The following MCM9 variants were observed in gnomAD, a reference collection of about 807,000 sequenced individuals.
MCM9 encodes the protein DNA helicase MCM9.
MCM9 carries 55 observed loss-of-function variants against 72.8 expected under a neutral mutation model. That is an observed-to-expected ratio of 0.76 (90% CI 0.61 to 0.95). The LOEUF is 0.95. Ranked by LOEUF, MCM9 falls within the 40% of genes least tolerant of loss-of-function variation. The pLI, the probability that MCM9 is intolerant of heterozygous loss-of-function variation, is 0.00. For synonymous variants in MCM9, 480 were observed against 503.4 expected (o/e 0.95, Z 0.62); for missense variants, 1,279 against 1,377.0 (o/e 0.93, Z 1.13).
At chr6:118,922,151 G>T in intron 4 of MCM9, 65 bp from the exon 5 acceptor site, 2 of 1,211,444 alleles carry the variant, frequency 1.7e-6, no homozygotes, top group Non-Finnish European at 1.2e-6. Context: ...CAGAAGTCTA[G>T]CAGTACTTGA....
Position 118,815,663 on chromosome 6 carries a change from T to C in MCM9, c.2593A>G (p.Arg865Gly), listed in dbSNP as rs1400108418. 6.5e-7 allele frequency: 1 copy of C among 1,549,916 alleles called. No homozygotes were observed. The highest frequency in any genetic ancestry group is 8.7e-7 in the Non-Finnish European group (1 of 1,146,826). The change falls in exon 14 of 14, where the codon AGG becomes GGG. Residue 865 changes from arginine to glycine, a missense_variant. Physicochemically the swap from Arg to Gly is moderately radical, Grantham distance 125. Coordinates refer to ENST00000619706, the MANE Select transcript of MCM9 (RefSeq NM_017696.3). Reference sequence around the variant, plus strand: ...GGGACTGTGCACTGTGCAGGCACCCTGGTGCTATTTCTGCACAACTTCTGG... The same window carrying C: ...GGGACTGTGCACTGTGCAGGCACCCCGGTGCTATTTCTGCACAACTTCTGG... ...RAQKLCRNSTRVPAQCTVPSH... is the reference protein window; with the variant it reads ...RAQKLCRNSTGVPAQCTVPSH...
rs1456808766 is a variant in MCM9 at position 118,815,586 on chromosome 6, T to C, written c.2670A>G (p.Ser890=). 3.2e-6 allele frequency: 5 copies of C among 1,550,484 alleles called. No individual in the cohort carries two copies. The highest frequency in any genetic ancestry group is 3.5e-6 in the Non-Finnish European group (4 of 1,146,946). The change falls in exon 14 of 14, where the codon TCA becomes TCG. Residue 890 remains serine, a synonymous_variant. Transcript: ENST00000619706. ...GGGATTTCGGTCTCTTTCTTTTGGGTGAGTCCAGCATTCTGTCTGGGCTAT... is the reference window on the plus strand; with the variant it reads ...GGGATTTCGGTCTCTTTCTTTTGGGCGAGTCCAGCATTCTGTCTGGGCTAT... The part of the protein sequence containing the change: ...PVHSPDRMLD[S]PKRKRPKSLA...
chr6:118,850,713 C>G (rs1329611339), intron 9 of MCM9, among the ~76,000 whole-genome samples: 1 of 151,846 alleles, frequency 6.6e-6, no homozygotes, highest in Non-Finnish European at 1.5e-5. Context: ...TTGGAAGCAT[C>G]TGCTCCGCCT....
intron 8 of MCM9, among the ~76,000 whole-genome samples, chr6:118,861,594 A>G (rs530610010): frequency 6.6e-6 from 1 of 152,238 alleles, no homozygotes; most frequent in African/African-American, 2.4e-5. Context: ...TTGTACTGAC[A>G]AGTGTCCAGC....
intron 9 of MCM9, among the ~76,000 whole-genome samples, chr6:118,842,962 C>T (rs367906737): frequency 1.1e-4 from 17 of 151,528 alleles, no homozygotes; most frequent in African/African-American, 3.9e-4. Flanking sequence ...ACATAAAGAA[C>T]AACAAAATTA....
intron 8 of MCM9, among the ~76,000 whole-genome samples, chr6:118,888,428 A>G (rs1778736382): frequency 6.6e-6 from 1 of 152,194 alleles, no homozygotes; most frequent in African/African-American, 2.4e-5. Flanking sequence ...CAGAGCTTGC[A>G]GTGAGCCGAG....
chr6:118,928,325 C>T (rs934289933), intron 3 of MCM9, among the ~76,000 whole-genome samples: 13 of 151,954 alleles, frequency 8.6e-5, no homozygotes, highest in African/African-American at 2.9e-4. Flanking sequence ...GCAGGAGAAT[C>T]GCTTGAACCT....
intron 8 of MCM9, among the ~76,000 whole-genome samples, chr6:118,889,039 G>C (rs1778784621): frequency 6.6e-6 from 1 of 152,090 alleles, no homozygotes. Context: ...AAAAACTATT[G>C]ACTCAGATGC....
chr6:118,839,258 T>C (rs1775187755), intron 9 of MCM9, among the ~76,000 whole-genome samples: 2 of 152,130 alleles, frequency 1.3e-5, no homozygotes, highest in African/African-American at 2.4e-5. Flanking sequence ...TCTTATGCTA[T>C]GTTTTTCAGC....
chr6:118,899,158 A>G (rs1460646319), intron 8 of MCM9, among the ~76,000 whole-genome samples: 3 of 152,152 alleles, frequency 2.0e-5, no homozygotes, highest in Non-Finnish European at 2.9e-5. Context: ...TTATTGAAAT[A>G]TTGTTTCTTC....
intron 8 of MCM9, among the ~76,000 whole-genome samples, chr6:118,866,034 T>C (rs1777196302): frequency 6.6e-6 from 1 of 152,172 alleles, no homozygotes; most frequent in Non-Finnish European, 1.5e-5. Context: ...TTGAAACACA[T>C]AGCCAACACC....
chr6:118,910,201 A>G (rs1490855881), intron 8 of MCM9, among the ~76,000 whole-genome samples: 1 of 150,172 alleles, frequency 6.7e-6, no homozygotes, highest in Non-Finnish European at 1.5e-5. Context: ...GTGCACCTTT[A>G]CTATGCAGTA....
intron 8 of MCM9, among the ~76,000 whole-genome samples, chr6:118,872,704 T>A (rs965324917): frequency 6.6e-6 from 1 of 151,884 alleles, no homozygotes; most frequent in Non-Finnish European, 1.5e-5. Context: ...AGTTGTAGGA[T>A]ACAGCAAAAG....
chr6:118,852,768 G>C (rs1049534939), intron 9 of MCM9, among the ~76,000 whole-genome samples: 2 of 152,100 alleles, frequency 1.3e-5, no homozygotes, highest in Non-Finnish European at 2.9e-5. Flanking sequence ...TATAGTAAAA[G>C]TCATCTTTTA....
At chr6:118,887,737 G>T (rs150354633) in intron 8 of MCM9, among the ~76,000 whole-genome samples, 69 of 151,674 alleles carry the variant, frequency 4.5e-4, no homozygotes, top group African/African-American at 1.6e-3. Context: ...TTTGACAAAA[G>T]ACCTGTATGT....
chr6:118,828,291 T>A (rs575930207), intron 10 of MCM9, among the ~76,000 whole-genome samples, 161 bp from the exon 11 acceptor site: 1 of 152,308 alleles, frequency 6.6e-6, no homozygotes, highest in Non-Finnish European at 1.5e-5. Flanking sequence ...ATCAGCATCT[T>A]ATGATCTAAG....
At chr6:118,887,115 G>A (rs1218429055) in intron 8 of MCM9, among the ~76,000 whole-genome samples, 1 of 152,150 alleles carries the variant, frequency 6.6e-6, no homozygotes, top group Non-Finnish European at 1.5e-5. Flanking sequence ...ATCCCAGGTG[G>A]CTTCTTTGCA....
chr6:118,897,997 T>C (rs1779551093), intron 8 of MCM9, among the ~76,000 whole-genome samples: 1 of 152,234 alleles, frequency 6.6e-6, no homozygotes, highest in African/African-American at 2.4e-5. Context: ...TCCTCTGCTC[T>C]CACTTCCCCT....
At chr6:118,895,008 T>G (rs941912706) in intron 8 of MCM9, among the ~76,000 whole-genome samples, 2 of 152,018 alleles carry the variant, frequency 1.3e-5, no homozygotes, top group South Asian at 2.1e-4. Flanking sequence ...CGCCTCCTCT[T>G]GCCCCGCCGC....
Sources: gnomAD v4.1 joint callset for allele counts (sites outside exome capture counted in the v4.1 genomes callset) on GRCh38, gnomAD v4.1.1 for gene constraint, MANE v1.5 for transcripts, NCBI Gene and HGNC (gene_info 2026-07-23, HGNC 2026-07-21) for gene names.